ACAP2: variants seen among roughly 807,000 people sequenced by gnomAD.
ACAP2 encodes arf-GAP with coiled-coil, ANK repeat and PH domain-containing protein 2.
A neutral mutation model predicts 115.8 loss-of-function variants in ACAP2; 39 were observed. The ratio of observed to expected loss-of-function variants is 0.34; its 90% CI spans 0.26 to 0.44. The LOEUF (loss-of-function observed/expected upper bound fraction) is 0.44. ACAP2 is among the 20% of genes least tolerant of loss of function. The pLI is 1.00. For synonymous variants in ACAP2, 289 were observed against 315.8 expected, an observed-to-expected ratio of 0.92 and a Z score of 0.90; for missense variants, 662 against 927.6, an observed-to-expected ratio of 0.71 and a Z score of 3.72.
chr3:195,409,197 A>C (rs2108806831), intron 1 of ACAP2, among the ~76,000 whole-genome samples: 1 of 152,336 alleles, frequency 6.6e-6, no homozygotes, highest in Admixed American at 6.5e-5. Flanking sequence ...GAAAACCCTA[A>C]AGATTCCACA....
chr3:195,404,015 A>C (rs1712531829), intron 1 of ACAP2, among the ~76,000 whole-genome samples: 1 of 152,234 alleles, frequency 6.6e-6, no homozygotes, highest in Non-Finnish European at 1.5e-5. Context: ...GGAATGAGGA[A>C]AAGAATCTGA....
chr3:195,291,853 A>G (rs770539507), intron 19 of ACAP2, 38 bp from the exon 20 acceptor site: 1 of 1,529,294 alleles, frequency 6.5e-7, no homozygotes, highest in Non-Finnish European at 8.9e-7. Flanking sequence ...GACAAAAGCA[A>G]ATAACAAGAA....
intron 2 of ACAP2, among the ~76,000 whole-genome samples, chr3:195,383,104 CT>C (rs1479081595): frequency 6.6e-6 from 1 of 152,048 alleles, no homozygotes; most frequent in Non-Finnish European, 1.5e-5. Flanking sequence ...ACAAAACCCA[CT>C]GTGAGAAATG....
chr3:195,355,511 A>G (rs1731903001), intron 4 of ACAP2, among the ~76,000 whole-genome samples: 1 of 152,166 alleles, frequency 6.6e-6, no homozygotes, highest in African/African-American at 2.4e-5. Context: ...GGAAATTAAC[A>G]GTATTATTCC....
At chr3:195,368,245 G>T (rs899337840) in intron 4 of ACAP2, among the ~76,000 whole-genome samples, 1 of 152,132 alleles carries the variant, frequency 6.6e-6, no homozygotes, top group Admixed American at 6.5e-5. Context: ...CGCCTCCCGG[G>T]TTCAAGCGAT....
rs9847047 is a variant in ACAP2 at position 195,424,261 on chromosome 3, G to A, written c.53+18534C>T. Among the ~76,000 whole-genome samples, 311 of 54,680 alleles carry A rather than the reference G, an allele frequency of 5.7e-3. 1 individual carries two copies. Among genetic ancestry groups the A allele is most frequent in the Middle Eastern group, 0.016 (1 of 62 alleles). The allele number at this position is 54,680 out of a possible 152,430, so 35.9% of individuals were successfully genotyped here. ...GTGTGTGTGGTGTGTGTGTGTGTGT[G>A]TATATATATATATATATATATATTT... On this transcript the variant is annotated intron_variant, in intron 1 of 22. Coordinates refer to ENST00000326793, the MANE Select transcript of ACAP2 (RefSeq NM_012287.6).
intron 15 of ACAP2, 84 bp from the exon 16 acceptor site, chr3:195,297,365 T>C: frequency 1.8e-6 from 2 of 1,103,014 alleles, no homozygotes; most frequent in South Asian, 2.9e-5. Context: ...TTTAAGCAAG[T>C]ACAGTTAACT....
At chr3:195,292,474 A>G (rs777000346) in intron 18 of ACAP2, 22 bp from the exon 19 acceptor site, 43 of 1,564,454 alleles carry the variant, frequency 2.7e-5, no homozygotes, top group Non-Finnish European at 3.5e-5. Context: ...ACACATACAC[A>G]TCAATAAAAA....
chr3:195,370,793 A>T (rs1041509632), intron 4 of ACAP2, among the ~76,000 whole-genome samples: 1 of 152,096 alleles, frequency 6.6e-6, no homozygotes, highest in Non-Finnish European at 1.5e-5. Context: ...TATACTAAAA[A>T]TACAAAAAAT....
chr3:195,342,554 G>A lies in ACAP2; in HGVS notation c.445C>T (p.Gln149Ter). 1 of 1,612,952 alleles carries A rather than the reference G, an allele frequency of 6.2e-7. No homozygotes were observed. The highest frequency in any genetic ancestry group is 8.5e-7 in the Non-Finnish European group (1 of 1,179,712). Residue 149 changes from glutamine to a stop codon, truncating the protein, a stop_gained, in exon 6 of 23, where the codon CAA becomes TAA. Transcript: ENST00000326793. LOFTEE classifies it high-confidence loss of function. ...VKNAQVQRNK[Q>*]HEVEEATNIL... ...TTGGTGGCTTCTTCAACTTCATGTT[G>A]TTTGTTTCTTTGTACTTGGGCATTT...
intron 4 of ACAP2, among the ~76,000 whole-genome samples, chr3:195,352,510 C>T (rs1334644204): frequency 1.3e-5 from 2 of 152,026 alleles, no homozygotes; most frequent in East Asian, 1.9e-4. Context: ...ACAAACTAGC[C>T]GTTTTACACC....
At chr3:195,319,785 G>A (rs534523637) in intron 10 of ACAP2, among the ~76,000 whole-genome samples, 1 of 152,290 alleles carries the variant, frequency 6.6e-6, no homozygotes, top group South Asian at 2.1e-4. Context: ...TTGGACTTTT[G>A]AGTTAATGCT....
intron 1 of ACAP2, among the ~76,000 whole-genome samples, chr3:195,424,118 C>T (rs1714414533): frequency 6.6e-6 from 1 of 151,252 alleles, no homozygotes; most frequent in Non-Finnish European, 1.5e-5. Context: ...TTCAAATCCC[C>T]TCCTACCACT....
chr3:195,357,638 G>C (rs942858364), intron 4 of ACAP2: 2 of 152,244 alleles, frequency 1.3e-5, no homozygotes, highest in Non-Finnish European at 2.9e-5. Context: ...CAGAGAGAGA[G>C]AGAGACTGCA....
chr3:195,285,147 A>G (rs1808074), intron 22 of ACAP2, among the ~76,000 whole-genome samples: 3,356 of 152,378 alleles, frequency 0.022, 123 homozygotes, highest in East Asian at 0.11. Flanking sequence ...TTAGCTTTAG[A>G]TAAAATGAGA....
At chr3:195,362,040 C>A (rs1472430213) in intron 4 of ACAP2, among the ~76,000 whole-genome samples, 1 of 152,114 alleles carries the variant, frequency 6.6e-6, no homozygotes, top group African/African-American at 2.4e-5. Flanking sequence ...AGGCTGTGCC[C>A]GGTGGCTCAC....
chr3:195,442,194 G>A (rs891066679), intron 1 of ACAP2: 1 of 152,778 alleles, frequency 6.5e-6, no homozygotes, highest in Non-Finnish European at 1.5e-5. Context: ...GCTTCCCCCC[G>A]CGATTCCCGC....
At chr3:195,304,163 C>CAAAAAAAAAAAAA (rs56055597) in intron 13 of ACAP2, among the ~76,000 whole-genome samples, 3 of 63,278 alleles carry the variant, frequency 4.7e-5, no homozygotes, top group Admixed American at 2.6e-4. Context: ...GACTCCATCT[C>CAAAAAAAAAAAAA]AAAAAAAAAA....
At chr3:195,308,562 C>A (rs1728561534) in intron 11 of ACAP2, among the ~76,000 whole-genome samples, 2 of 152,150 alleles carry the variant, frequency 1.3e-5, no homozygotes, top group African/African-American at 4.8e-5. Flanking sequence ...AAAAATCCAT[C>A]TCAAAGCAAG....
Sources: allele counts gnomAD v4.1 joint callset (sites outside exome capture counted in the v4.1 genomes callset), GRCh38; gene constraint gnomAD v4.1.1; transcripts MANE v1.5; gene names NCBI Gene and HGNC (gene_info 2026-07-23, HGNC 2026-07-21).